The following OR7A10 variants were observed in gnomAD, a reference collection of about 807,000 sequenced individuals.
OR7A10 encodes the protein olfactory receptor 7A10.
For synonymous variants in OR7A10, 144 were observed against 144.5 expected (o/e 1.00, Z 0.02); for missense variants, 358 against 370.1 (o/e 0.97, Z 0.27).
chr19:14,845,982 A>G (rs184782088), intron 1 of OR7A10, among the ~76,000 whole-genome samples: 62 of 152,262 alleles, frequency 4.1e-4, no homozygotes, highest in African/African-American at 1.5e-3. Flanking sequence ...GTGAAACCCC[A>G]TCTCTACTAA....
chr19:14,841,691 G>A lies in OR7A10; in HGVS notation c.187C>T (p.Leu63Phe). Residue 63 changes from leucine (L) to phenylalanine (F), a missense_variant, in exon 2 of 2, where the codon CTC becomes TTC. Physicochemically the swap from Leu to Phe is conservative, Grantham distance 22 (BLOSUM62 0). Transcript: ENST00000641129. ...ATGTCTACGAAGGACAGGTTGGAGA[G>A]GAAGAAGTACATGGGGGTGTGGAGG... ...SHLHTPMYFF[L>F]SNLSFVDICF... The A allele has an allele frequency of 6.2e-7, 1 of 1,614,184 alleles. No homozygotes were observed.
intron 1 of OR7A10, among the ~76,000 whole-genome samples, 172 bp downstream of exon 1, chr19:14,848,328 C>T (rs1018063223): frequency 3.3e-5 from 5 of 152,166 alleles, no homozygotes; most frequent in African/African-American, 1.2e-4. Context: ...TCAAGATGCA[C>T]TTCTCTTCTT....
Position 14,841,210 on chromosome 19 carries a change from G to A in OR7A10, c.668C>T (p.Ser223Phe). The A allele has an allele frequency of 6.2e-7, 1 of 1,614,130 alleles. No individual in the cohort carries two copies. The highest frequency in any genetic ancestry group is 8.5e-7 in the Non-Finnish European group (1 of 1,180,030). Residue 223 changes from serine (S) to phenylalanine (F), a missense_variant, in exon 2 of 2, where the codon TCC (serine) becomes TTC (phenylalanine). By Grantham distance (155) the Ser-to-Phe change is radical. Transcript: ENST00000641129. ...AGCTGATGAGATTGCACGTATGGAG[G>A]AAACTATCTTAGAGTAAGAGTACAG... Reference protein sequence around the residue: ...GILYSYSKIVSSIRAISSAQG... With the variant: ...GILYSYSKIVFSIRAISSAQG...
Position 14,841,061 on chromosome 19 carries a change from C to T in OR7A10, c.817G>A (p.Ala273Thr), listed in dbSNP as rs10221530. ...AATHNSHTGA[A>T]ASVMYTVVTP... ...ACCACAGTGTACATCACTGAGGCTG[C>T]AGCACCTGTGTGTGAATTGTGGGTG... The change falls in exon 2 of 2, where the codon GCA becomes ACA. Residue 273 changes from alanine (A) to threonine (T), a missense_variant. By Grantham distance (58) the Ala-to-Thr change is moderately conservative (BLOSUM62 0). Coordinates refer to ENST00000641129, the MANE Select transcript of OR7A10 (RefSeq NM_001005190.2). 9.0e-3 allele frequency: 14,502 copies of T among 1,613,642 alleles called. 487 individuals are homozygous for T. The highest frequency in any genetic ancestry group is 0.09 in the African/African-American group (6,716 of 74,900).
intron 1 of OR7A10, among the ~76,000 whole-genome samples, chr19:14,844,664 G>GTTTTTTGTTTTTGTTTTT (rs1555697160): frequency 1.0e-5 from 1 of 97,660 alleles, no homozygotes; most frequent in African/African-American, 4.0e-5. Context: ...TGAGTTCTGT[G>GTTTTTTGTTTTTGTTTTT]TTTTTTTTTT....
chr19:14,848,047 C>G (rs1005312934), intron 1 of OR7A10, among the ~76,000 whole-genome samples: 2 of 151,476 alleles, frequency 1.3e-5, no homozygotes, highest in Admixed American at 6.6e-5. Flanking sequence ...TGCTTGAATC[C>G]GGGAGGCAGA....
rs544675616 is a variant in OR7A10 at position 14,848,539 on chromosome 19, T to G, written c.-52A>C. On this transcript the variant is annotated 5_prime_UTR_variant, in exon 1 of 2. Coordinates refer to ENST00000641129, the MANE Select transcript of OR7A10 (RefSeq NM_001005190.2). ...TGAAATGAAGGTCTCAATCTAGAAG[T>G]GCAAATTCCTCCCTGGATGGTTGAT... The G allele has an allele frequency of 2.0e-5, 3 of 152,240 alleles. No homozygotes were observed. The allele number at this position is 152,240 out of a possible 1,614,324, so 9.4% of individuals were successfully genotyped here.
chr19:14,842,223 T>G (rs1455532707), intron 1 of OR7A10, among the ~76,000 whole-genome samples: 1 of 152,184 alleles, frequency 6.6e-6, no homozygotes, highest in African/African-American at 2.4e-5. Context: ...CCTCCCACCT[T>G]CCACCCTCAA....
Position 14,841,530 on chromosome 19 carries a change from G to C in OR7A10, c.348C>G (p.Thr116=), listed in dbSNP as rs757173899. 6.2e-7 allele frequency: 1 copy of C among 1,614,046 alleles called. No homozygotes were observed. The highest frequency in any genetic ancestry group is 1.3e-5 in the African/African-American group (1 of 74,912). The change falls in exon 2 of 2, where the codon ACC becomes ACG. Residue 116 remains threonine (T), a synonymous_variant. Coordinates refer to ENST00000641129, the MANE Select transcript of OR7A10 (RefSeq NM_001005190.2). ...LFVGLDNFLL[T]VMAYDRFVAI... The stretch of plus-strand genomic sequence containing the variant: ...CCACAAACCGGTCATAGGCCATCAC[G>C]GTCAGAAGGAAGTTATCCAATCCTA...
In OR7A10 at chr19:14,841,494, G is replaced by A. The variant is rs1320624987; in HGVS notation, c.384C>T (p.His128=). The A allele has an allele frequency of 1.2e-6, 2 of 1,614,184 alleles. No homozygotes were observed. Among genetic ancestry groups the A allele is most frequent in the East Asian group, 2.2e-5 (1 of 44,886 alleles). Residue 128 remains histidine (H), a synonymous_variant, in exon 2 of 2, where the codon CAC becomes CAT. Coordinates refer to ENST00000641129, the MANE Select transcript of OR7A10 (RefSeq NM_001005190.2). Reference sequence around the variant, plus strand: ...TCATAATGACCATGTAGTGCAGAGGGTGACAGATGGCCACAAACCGGTCAT... The same window carrying A: ...TCATAATGACCATGTAGTGCAGAGGATGACAGATGGCCACAAACCGGTCAT... ...MAYDRFVAIC[H]PLHYMVIMNP... is the part of the protein sequence containing the mutation.
intron 1 of OR7A10, among the ~76,000 whole-genome samples, chr19:14,844,388 A>T (rs2044930097): frequency 6.6e-6 from 1 of 152,204 alleles, no homozygotes. Flanking sequence ...AGAAGGAAAG[A>T]TCAATGAAAG....
In OR7A10 at chr19:14,841,329, C is replaced by A. The variant is rs548522648; in HGVS notation, c.549G>T (p.Gln183His). 83 of 1,614,130 alleles carry A rather than the reference C, an allele frequency of 5.1e-5. No individual in the cohort carries two copies. The South Asian group carries it at 8.9e-4, about 17-fold the overall frequency. ...TGTCAGAACAGGCAAGGTGGACCACCTGATTAATTTCACAGAAAAAATGAG... is the reference window on the plus strand; with the variant it reads ...TGTCAGAACAGGCAAGGTGGACCACATGATTAATTTCACAGAAAAAATGAG... ...EIPHFFCEIN[Q>H]VVHLACSDTF... Residue 183 changes from glutamine to histidine, a missense_variant, in exon 2 of 2, where the codon CAG (glutamine) becomes CAT (histidine). Coordinates refer to ENST00000641129, the MANE Select transcript of OR7A10 (RefSeq NM_001005190.2).
intron 1 of OR7A10, among the ~76,000 whole-genome samples, chr19:14,843,922 A>G (rs946693249): frequency 6.6e-6 from 1 of 152,088 alleles, no homozygotes; most frequent in African/African-American, 2.4e-5. Flanking sequence ...GGGGTACGGG[A>G]TAAGGGGAGG....
chr19:14,842,999 A>G (rs1480426271), intron 1 of OR7A10, among the ~76,000 whole-genome samples: 1 of 152,216 alleles, frequency 6.6e-6, no homozygotes, highest in Non-Finnish European at 1.5e-5. Context: ...AAAAACAAAC[A>G]ACCCCATTAA....
rs752934674 is a variant in OR7A10, at chr19:14,841,275, A to G, written c.603T>C (p.Phe201=). The G allele has an allele frequency of 5.6e-6, 9 of 1,614,116 alleles. No homozygotes were observed. The highest frequency in any genetic ancestry group is 4.0e-5 in the African/African-American group (3 of 74,940). The change falls in exon 2 of 2, where the codon TTT becomes TTC. Residue 201 remains phenylalanine, a synonymous_variant. Coordinates refer to ENST00000641129, the MANE Select transcript of OR7A10 (RefSeq NM_001005190.2). ...GACCACCGCCCAGCAGCGCTACTGC[A>G]AAATACATCACTATGTCATTAAGAA... ...DTFLNDIVMY[F]AVALLGGGPL...
In OR7A10 at chr19:14,840,936, A is replaced by G; in HGVS notation, c.*12T>C. On this transcript the variant is annotated 3_prime_UTR_variant, in exon 2 of 2. Transcript: ENST00000641129. The stretch of plus-strand genomic sequence containing the variant: ...CTCTGAAGTCACAGGCCTTTCTTGA[A>G]AAATAGCCTTTCTATTGCTTTCCTC... 1.3e-6 allele frequency: 2 copies of G among 1,583,930 alleles called. No individual in the cohort carries two copies. The highest frequency in any genetic ancestry group is 8.6e-7 in the Non-Finnish European group (1 of 1,165,720).
At position 14,848,661 on chromosome 19, in the gene OR7A10, G is replaced by C. The variant is rs991726172; in HGVS notation, c.-174C>G. The C allele has an allele frequency of 3.3e-5, 5 of 152,090 alleles. No individual in the cohort carries two copies. Among genetic ancestry groups the C allele is most frequent in the African/African-American group, 1.2e-4 (5 of 41,428 alleles). The allele number at this position is 152,090 out of a possible 1,614,324, so 9.4% of individuals were successfully genotyped here. On this transcript the variant is annotated 5_prime_UTR_variant, in exon 1 of 2. It adds an upstream start codon to the 5' untranslated region. Coordinates refer to ENST00000641129, the MANE Select transcript of OR7A10 (RefSeq NM_001005190.2). Reference sequence around the variant, plus strand: ...AGATATAGACTCCGAAAGAAACAAGGATGTCCCATCCAGCCCAAGGTTGCA... The same window carrying C: ...AGATATAGACTCCGAAAGAAACAAGCATGTCCCATCCAGCCCAAGGTTGCA...
Position 14,840,482 on chromosome 19 carries a change from G to T in OR7A10, c.*466C>A, listed in dbSNP as rs1367192685. The T allele has an allele frequency of 1.3e-5, 2 of 155,430 alleles. No homozygotes were observed. Among genetic ancestry groups the T allele is most frequent in the African/African-American group, 2.4e-5 (1 of 41,468 alleles). The allele number at this position is 155,430 out of a possible 1,614,324, so 9.6% of individuals were successfully genotyped here. ...AAGTAAATACATATATTGTTCACTTGTCAACACTTTGATGCTTATGACATT... is the reference window on the plus strand; with the variant it reads ...AAGTAAATACATATATTGTTCACTTTTCAACACTTTGATGCTTATGACATT... On this transcript the variant is annotated 3_prime_UTR_variant, in exon 2 of 2. Transcript: ENST00000641129.
intron 1 of OR7A10, among the ~76,000 whole-genome samples, chr19:14,844,048 TGCACATGTATCCCA>T (rs1026570955): frequency 1.3e-5 from 2 of 152,186 alleles, no homozygotes; most frequent in Non-Finnish European, 2.9e-5. Context: ...CTGCACATTC[TGCACATGTATCCCA>T]GCACTTAAAG....
Sources: gnomAD v4.1 joint callset for allele counts (sites outside exome capture counted in the v4.1 genomes callset) on GRCh38, gnomAD v4.1.1 for gene constraint, MANE v1.5 for transcripts, NCBI Gene and HGNC (gene_info 2026-07-23, HGNC 2026-07-21) for gene names.